R3HDM4: variants seen among roughly 807,000 people sequenced by gnomAD.
R3HDM4 encodes R3H domain-containing protein 4.
R3HDM4 carries 30 observed loss-of-function variants against 31.3 expected under a neutral mutation model. The observed-to-expected ratio is 0.96, with a 90% confidence interval of 0.72 to 1.30. The LOEUF (loss-of-function observed/expected upper bound fraction) is 1.30, where lower values mean the gene tolerates loss of function less well. R3HDM4 is among the 50% of genes most tolerant of loss of function. The probability of loss-of-function intolerance (pLI) is 0.00; values close to 1 mark genes in which losing one functional copy is unlikely to be tolerated. For synonymous variants in R3HDM4, 196 were observed against 156.6 expected, an observed-to-expected ratio of 1.25 and a Z score of -1.88; for missense variants, 444 against 366.1, an observed-to-expected ratio of 1.21 and a Z score of -1.74.
At position 900,140 on chromosome 19, in the gene R3HDM4, G is replaced by C; in HGVS notation, c.482C>G (p.Pro161Arg). The C allele has an allele frequency of 6.3e-7, 1 of 1,579,276 alleles. No individual in the cohort carries two copies. Among genetic ancestry groups the C allele is most frequent in the South Asian group, 1.2e-5 (1 of 86,370 alleles). Residue 161 changes from proline (P) to arginine (R), a missense_variant, in exon 5 of 8, where the codon CCC becomes CGC. Coordinates refer to ENST00000361574, the MANE Select transcript of R3HDM4 (RefSeq NM_138774.4). ...GRGEDRRREDPAYTPRECFQR... is the reference protein window; with the variant it reads ...GRGEDRRREDRAYTPRECFQR... ...GAAGCACTCGCGGGGTGTATAGGCG[G>C]GGTCCTCTGCAGGAGTGGGGGAACA...
Position 913,207 on chromosome 19 carries a change from C to G in R3HDM4, c.-50G>C, listed in dbSNP as rs573558903. The stretch of plus-strand genomic sequence containing the variant: ...GCCGCCCGGCAGGGCCTTCACCGGG[C>G]CGGGCAGGAAGTGACGGGCGCCCGG... On this transcript the variant is annotated 5_prime_UTR_variant, in exon 1 of 8. Coordinates refer to ENST00000361574, the MANE Select transcript of R3HDM4 (RefSeq NM_138774.4). This position sits in a 1 kb window ranked among gnomAD's most constrained non-coding sequence, Gnocchi z 5.0. The G allele has an allele frequency of 1.6e-4, 171 of 1,054,056 alleles. No individual in the cohort carries two copies. The African/African-American group carries it at 2.7e-3, about 17-fold the overall frequency. The allele number at this position is 1,054,056 out of a possible 1,614,324, so 65.3% of individuals were successfully genotyped here. A position where few individuals can be genotyped will look rare whatever the true frequency, so the allele number is the denominator to read the frequency against.
chr19:901,065 A>C, intron 3 of R3HDM4, 113 bp from the exon 4 acceptor site: 3 of 1,304,922 alleles, frequency 2.3e-6, no homozygotes, highest in Non-Finnish European at 3.1e-6. Flanking sequence ...TCCTGCGGTC[A>C]CCTCTGTCCA....
At chr19:910,382 G>T (rs377732655) in intron 1 of R3HDM4, among the ~76,000 whole-genome samples, 1 of 152,100 alleles carries the variant, frequency 6.6e-6, no homozygotes, top group African/African-American at 2.4e-5. Context: ...TACTCGGGAG[G>T]CTGGGGCAGG....
chr19:907,154 G>A lies in R3HDM4; in HGVS notation c.72-5024C>T, dbSNP rs572809304. Among the ~76,000 whole-genome samples, 10 of 152,270 alleles carry A rather than the reference G, an allele frequency of 6.6e-5. No homozygotes were observed. In the East Asian group the frequency reaches 1.2e-3, roughly 18 times the overall value. The stretch of plus-strand genomic sequence containing the variant: ...TTGTAAACCAAGGCACAAAGTCACC[G>A]CCCAAGCTCCCATTGCTGCAAAGAG... On this transcript the variant is annotated intron_variant, in intron 1 of 7. Coordinates refer to ENST00000361574, the MANE Select transcript of R3HDM4 (RefSeq NM_138774.4). This position sits in a 1 kb window ranked among gnomAD's most constrained non-coding sequence, Gnocchi z 4.1.
intron 1 of R3HDM4, among the ~76,000 whole-genome samples, chr19:911,098 A>G (rs766982795): frequency 2.8e-4 from 42 of 149,972 alleles, no homozygotes; most frequent in Non-Finnish European, 4.1e-4. Context: ...TCCAGCCTGG[A>G]CGACAGAGTG....
intron 2 of R3HDM4, 39 bp from the exon 3 acceptor site, chr19:901,585 T>C (rs377666354): frequency 1.9e-6 from 3 of 1,582,738 alleles, no homozygotes; most frequent in East Asian, 2.3e-5. Context: ...GGGGTGGCAT[T>C]TGGGGACCCC....
chr19:900,667 T>C (rs985388641), intron 4 of R3HDM4, among the ~76,000 whole-genome samples, 162 bp downstream of exon 4: 10 of 3,940 alleles, frequency 2.5e-3, no homozygotes, highest in Admixed American at 7.2e-3. Flanking sequence ...CTCGCCCCCA[T>C]CCCCCATCCA....
At chr19:909,650 G>T (rs2036947872) in intron 1 of R3HDM4, among the ~76,000 whole-genome samples, 1 of 151,736 alleles carries the variant, frequency 6.6e-6, no homozygotes, top group Non-Finnish European at 1.5e-5. Flanking sequence ...ACAAAAATTA[G>T]CCAGGCGTGG....
intron 1 of R3HDM4, among the ~76,000 whole-genome samples, chr19:903,222 G>A (rs1290459274): frequency 7.3e-6 from 1 of 137,798 alleles, no homozygotes; most frequent in African/African-American, 2.5e-5. Flanking sequence ...TCAAGGTGAT[G>A]CCTCAGCCCC....
Position 897,356 on chromosome 19 carries a change from A to C in R3HDM4, c.*81T>G. 6.5e-6 allele frequency: 7 copies of C among 1,081,128 alleles called. No individual in the cohort carries two copies. The South Asian group carries it at 1.1e-4, about 17-fold the overall frequency. The allele number at this position is 1,081,128 out of a possible 1,614,324, so 67.0% of individuals were successfully genotyped here. On this transcript the variant is annotated 3_prime_UTR_variant, in exon 8 of 8. Coordinates refer to ENST00000361574, the MANE Select transcript of R3HDM4 (RefSeq NM_138774.4). ...AGGTTTCCGAGGACAAATTCTAAAA[A>C]TATGAAAGATATTTTAGCCGAAGGT...
intron 1 of R3HDM4, among the ~76,000 whole-genome samples, chr19:902,866 C>G (rs561743565): frequency 4.0e-5 from 6 of 151,640 alleles, no homozygotes; most frequent in African/African-American, 1.5e-4. Context: ...CGCTTGAACC[C>G]GGGAGGCAGA....
At chr19:911,490 T>C (rs1235689408) in intron 1 of R3HDM4, among the ~76,000 whole-genome samples, 1 of 151,902 alleles carries the variant, frequency 6.6e-6, no homozygotes, top group Non-Finnish European at 1.5e-5. Context: ...TAACGATAAT[T>C]AGTAATGAGA....
At chr19:902,266 C>G in intron 1 of R3HDM4, 136 bp from the exon 2 acceptor site, 1 of 854,046 alleles carries the variant, frequency 1.2e-6, no homozygotes, top group Non-Finnish European at 1.8e-6. Flanking sequence ...AAGTCCTGGG[C>G]CCTTAAAATC....
Position 899,402 on chromosome 19 carries a change from C to T in R3HDM4, c.703+38G>A. On this transcript the variant is annotated intron_variant, in intron 7 of 7. Coordinates refer to ENST00000361574, the MANE Select transcript of R3HDM4 (RefSeq NM_138774.4). The surrounding 1 kb of genome is among the most constrained non-coding windows in gnomAD (Gnocchi z 6.8). The stretch of plus-strand genomic sequence containing the variant: ...ACCCTGGCCACTTTCCCAGGTTGAG[C>T]TGGCCAACTTGGGGTCTTGGGGGCC... 1 of 1,609,762 alleles carries T rather than the reference C, an allele frequency of 6.2e-7. No homozygotes were observed. The highest frequency in any genetic ancestry group is 8.5e-7 in the Non-Finnish European group (1 of 1,176,564).
rs186154700 is a variant in R3HDM4 at position 897,288 on chromosome 19, C to T, written c.*149G>A. 38 of 599,544 alleles carry T rather than the reference C, an allele frequency of 6.3e-5. No homozygotes were observed. Among genetic ancestry groups the T allele is most frequent in the Non-Finnish European group, 8.9e-5 (31 of 347,420 alleles). 37.1% of individuals were successfully genotyped at this position (599,544 alleles called of 1,614,324 possible). A position where few individuals can be genotyped will look rare whatever the true frequency, so the allele number is the denominator to read the frequency against. On this transcript the variant is annotated 3_prime_UTR_variant, in exon 8 of 8. Transcript: ENST00000361574. ...AGCGTCTGTTGACTGCCAAGAGCTG[C>T]GTGAGGAGGGGGCAGAGTGAGAGAG...
At chr19:903,241 A>AC (rs71335320) in intron 1 of R3HDM4, among the ~76,000 whole-genome samples, 1,871 of 142,840 alleles carry the variant, frequency 0.013, 29 homozygotes, top group African/African-American at 0.044. Flanking sequence ...CCCCCCGCAA[A>AC]CCCCCCCCTT....
intron 1 of R3HDM4, among the ~76,000 whole-genome samples, chr19:909,693 G>T (rs1173501487): frequency 6.6e-6 from 1 of 152,050 alleles, no homozygotes; most frequent in African/African-American, 2.4e-5. Flanking sequence ...CTACTCAGGA[G>T]GCTGAGGCAG....
intron 1 of R3HDM4, among the ~76,000 whole-genome samples, chr19:909,805 C>T (rs140067391): frequency 1.8e-4 from 28 of 152,042 alleles, no homozygotes; most frequent in African/African-American, 5.8e-4. Flanking sequence ...CCCCAACCCC[C>T]ACCAAAAACA....
chr19:908,349 C>T (rs1442617911), intron 1 of R3HDM4, among the ~76,000 whole-genome samples: 1 of 150,772 alleles, frequency 6.6e-6, no homozygotes, highest in African/African-American at 2.4e-5. Context: ...GTTCACACTT[C>T]TAATCCCAGC....
Sources: allele counts gnomAD v4.1 joint callset (sites outside exome capture counted in the v4.1 genomes callset), GRCh38; gene constraint gnomAD v4.1.1; non-coding constraint Gnocchi (gnomAD v3.1); transcripts MANE v1.5; gene names NCBI Gene and HGNC (gene_info 2026-07-23, HGNC 2026-07-21).